The following ZNF541 variants were observed in gnomAD, a reference collection of about 807,000 sequenced individuals.
ZNF541 encodes zinc finger protein 541.
In ZNF541, 23 loss-of-function variants were observed where a neutral mutation model predicts 123.5. The ratio of observed to expected loss-of-function variants is 0.19; its 90% CI spans 0.13 to 0.26. The LOEUF (loss-of-function observed/expected upper bound fraction) is 0.26, where lower values mean the gene tolerates loss of function less well. Ranked by LOEUF, ZNF541 falls within the 10% of genes least tolerant of loss-of-function variation. ZNF541 has a pLI of 1.00. For synonymous variants in ZNF541, 751 were observed against 754.5 expected (o/e 1.00, Z 0.08); for missense variants, 1,612 against 1,789.9 (o/e 0.90, Z 1.79).
intron 1 of ZNF541, among the ~76,000 whole-genome samples, 196 bp downstream of exon 1, chr19:47,572,887 T>C (rs1181429042): frequency 6.6e-6 from 1 of 151,738 alleles, no homozygotes; most frequent in Non-Finnish European, 1.5e-5. Flanking sequence ...TTGCAGAAGA[T>C]GCGTGCGTGA....
At chr19:47,540,808 C>T in intron 6 of ZNF541, 85 bp downstream of exon 6, 2 of 1,340,668 alleles carry the variant, frequency 1.5e-6, no homozygotes, top group Admixed American at 2.2e-5. Flanking sequence ...AAAGCATCCT[C>T]CCCACTCACT....
At chr19:47,522,573 C>T (rs896275290) in intron 14 of ZNF541, among the ~76,000 whole-genome samples, 2 of 152,040 alleles carry the variant, frequency 1.3e-5, no homozygotes, top group Admixed American at 6.5e-5. Flanking sequence ...GGCAGGAGGA[C>T]GACTTGAGGT....
chr19:47,558,141 G>A (rs932219279), intron 2 of ZNF541, among the ~76,000 whole-genome samples: 2 of 152,208 alleles, frequency 1.3e-5, no homozygotes, highest in Non-Finnish European at 1.5e-5. Flanking sequence ...TACAGGCCAG[G>A]CGTGGTGGCT....
rs145496842 is a variant in ZNF541 at position 47,526,463 on chromosome 19, C to G, written c.3570+2487G>C. ...CGCCACTGCATTCCAGCCTGGGCAACAGAGTGAGACTCCATCTCAAAAAAA... is the reference window on the plus strand; with the variant it reads ...CGCCACTGCATTCCAGCCTGGGCAAGAGAGTGAGACTCCATCTCAAAAAAA... On this transcript the variant is annotated intron_variant, in intron 14 of 16. Transcript: ENST00000391901. Among the ~76,000 whole-genome samples the G allele has an allele frequency of 2.7e-3, 337 of 124,444 alleles. 2 individuals are homozygous for G. Among genetic ancestry groups the G allele is most frequent in the African/African-American group, 0.011 (328 of 30,856 alleles). The allele number at this position is 124,444 out of a possible 152,430, so 81.6% of individuals were successfully genotyped here. A position where few individuals can be genotyped will look rare whatever the true frequency, so the allele number is the denominator to read the frequency against.
In ZNF541 at chr19:47,529,016, T is replaced by C. The variant is rs1303813468; in HGVS notation, c.3504A>G (p.Ile1168Met). 32 of 1,551,476 alleles carry C rather than the reference T, an allele frequency of 2.1e-5. No homozygotes were observed. The highest frequency in any genetic ancestry group is 2.5e-5 in the Non-Finnish European group (29 of 1,146,964). ...RYTGSDVWTP[I>M]EKRLFKKAFY... is the part of the protein sequence containing the mutation. ...ACGCCTTCTTAAAAAGCCTCTTCTCTATAGGGGTCCAGACGTCTGAACCTA... is the reference window on the plus strand; with the variant it reads ...ACGCCTTCTTAAAAAGCCTCTTCTCCATAGGGGTCCAGACGTCTGAACCTA... Residue 1168 changes from isoleucine to methionine, a missense_variant, in exon 14 of 17, where the codon ATA becomes ATG. Physicochemically the swap from Ile to Met is conservative, Grantham distance 10 (BLOSUM62 1). Transcript: ENST00000391901.
intron 14 of ZNF541, among the ~76,000 whole-genome samples, chr19:47,525,060 A>G (rs957476460): frequency 1.3e-5 from 2 of 151,936 alleles, no homozygotes; most frequent in Non-Finnish European, 2.9e-5. Flanking sequence ...TGAGGCAGGT[A>G]GATCACCTGA....
intron 3 of ZNF541, among the ~76,000 whole-genome samples, chr19:47,554,534 G>A (rs1162708889): frequency 1.3e-5 from 2 of 152,182 alleles, no homozygotes; most frequent in Admixed American, 6.6e-5. Context: ...GTTTTACTCT[G>A]GGGGGAAGCA....
At chr19:47,553,782 C>A (rs537808928) in intron 3 of ZNF541, among the ~76,000 whole-genome samples, 2 of 152,060 alleles carry the variant, frequency 1.3e-5, no homozygotes, top group African/African-American at 4.8e-5. Flanking sequence ...TCAAGCGATC[C>A]GCCCACCTCA....
At chr19:47,529,849 A>G (rs1969482290) in intron 12 of ZNF541, among the ~76,000 whole-genome samples, 197 bp from the exon 13 acceptor site, 1 of 152,098 alleles carries the variant, frequency 6.6e-6, no homozygotes. Flanking sequence ...CAGGCACACC[A>G]CTGAATGCAG....
intron 2 of ZNF541, among the ~76,000 whole-genome samples, chr19:47,567,456 A>T (rs1355172760): frequency 2.0e-5 from 3 of 152,110 alleles, no homozygotes; most frequent in African/African-American, 7.2e-5. Context: ...ATGGGGTTTC[A>T]CCATGTTGGC....
rs574339328 is a variant in ZNF541, at chr19:47,533,928, TC to T, written c.3095-957del. On this transcript the variant is annotated intron_variant, in intron 9 of 16. Transcript: ENST00000391901. ...TGACCTGCTCCCTTACCCAGCCAGC[TC>T]CCAGCTCCAAGGGTTCTATTCCAGG... 4.6e-5 allele frequency among the ~76,000 whole-genome samples: 7 copies of T among 152,314 alleles called. No homozygotes were observed. In the East Asian group the frequency reaches 1.2e-3, roughly 25 times the overall value.
chr19:47,539,662 C>T, intron 8 of ZNF541, 43 bp downstream of exon 8: 1 of 1,377,876 alleles, frequency 7.3e-7, no homozygotes, highest in Non-Finnish European at 9.4e-7. Flanking sequence ...CCCCCAGCAG[C>T]TGCGGGCAGT....
intron 5 of ZNF541, among the ~76,000 whole-genome samples, chr19:47,542,645 C>T (rs1970130237): frequency 6.6e-6 from 1 of 152,064 alleles, no homozygotes; most frequent in Non-Finnish European, 1.5e-5. Flanking sequence ...GAGTGAGAGA[C>T]TCCGTCTCAA....
At chr19:47,537,919 G>A (rs1338880988) in intron 9 of ZNF541, among the ~76,000 whole-genome samples, 1 of 152,066 alleles carries the variant, frequency 6.6e-6, no homozygotes, top group Non-Finnish European at 1.5e-5. Flanking sequence ...CAGAAGCATG[G>A]TCAGGCTAAA....
rs142653572 is a variant in ZNF541 at position 47,523,986 on chromosome 19, G to A, written c.3571-1992C>T. Among the ~76,000 whole-genome samples, 563 of 152,300 alleles carry A rather than the reference G, an allele frequency of 3.7e-3. 3 individuals are homozygous for A. The highest frequency in any genetic ancestry group is 0.013 in the African/African-American group (540 of 41,562). ...ATCCAAAAGGATGAGAGGGGAAAGT[G>A]TGTGCTGCTCCTACAGGGCCAGGAA... On this transcript the variant is annotated intron_variant, in intron 14 of 16. Transcript: ENST00000391901.
At chr19:47,548,452 A>G (rs1409988396) in intron 4 of ZNF541, among the ~76,000 whole-genome samples, 3 of 139,564 alleles carry the variant, frequency 2.1e-5, no homozygotes, top group Admixed American at 1.4e-4. Flanking sequence ...CAAAAAAAAA[A>G]AAAAAAAAAG....
intron 2 of ZNF541, among the ~76,000 whole-genome samples, chr19:47,559,567 G>C (rs1228512948): frequency 6.6e-6 from 1 of 152,014 alleles, no homozygotes; most frequent in African/African-American, 2.4e-5. Flanking sequence ...AGGTGACTTT[G>C]ATGTTTGATT....
Position 47,521,786 on chromosome 19 carries a change from G to A in ZNF541, c.3711+68C>T, listed in dbSNP as rs923509687. The A allele has an allele frequency of 2.0e-5, 30 of 1,533,670 alleles. No individual in the cohort carries two copies. The highest frequency in any genetic ancestry group is 2.5e-5 in the East Asian group (1 of 40,684). On this transcript the variant is annotated intron_variant, in intron 15 of 16. Coordinates refer to ENST00000391901, the MANE Select transcript of ZNF541 (RefSeq NM_001277075.3). The surrounding 1 kb of genome is among the most constrained non-coding windows in gnomAD (Gnocchi z 4.2). Reference sequence around the variant, plus strand: ...AGCACCCCCGCCCTCTGACCCCACCGTCCAACTCAACGGGTAGCAGGCACT... The same window carrying A: ...AGCACCCCCGCCCTCTGACCCCACCATCCAACTCAACGGGTAGCAGGCACT...
chr19:47,555,231 G>A (rs964091902), intron 3 of ZNF541, among the ~76,000 whole-genome samples: 5 of 149,880 alleles, frequency 3.3e-5, no homozygotes, highest in Non-Finnish European at 3.0e-5. Flanking sequence ...TTAGCCGGGC[G>A]TGGTGGCGGG....
Sources: gnomAD v4.1 joint callset for allele counts (sites outside exome capture counted in the v4.1 genomes callset) on GRCh38, gnomAD v4.1.1 for gene constraint, Gnocchi (gnomAD v3.1) non-coding constraint, MANE v1.5 for transcripts, NCBI Gene and HGNC (gene_info 2026-07-23, HGNC 2026-07-21) for gene names.